Variants in SLCO2B1 observed in about 807,000 individuals in gnomAD.
The protein encoded by SLCO2B1 is OATP-RP2.
A neutral mutation model predicts 67.3 loss-of-function variants in SLCO2B1; 41 were observed. The ratio of observed to expected loss-of-function variants is 0.61; its 90% CI spans 0.47 to 0.79. SLCO2B1 has a LOEUF of 0.79. SLCO2B1 is among the 30% of genes least tolerant of loss of function. The pLI is 0.00. For missense variants in SLCO2B1, 837 were observed against 920.1 expected (o/e 0.91, Z 1.17); for synonymous variants, 379 against 381.4 (o/e 0.99, Z 0.07).
intron 10 of SLCO2B1, among the ~76,000 whole-genome samples, chr11:75,199,179 A>G (rs1362585506): frequency 2.0e-5 from 3 of 152,082 alleles, no homozygotes; most frequent in African/African-American, 7.2e-5. Context: ...ATATGCACTT[A>G]GGGGTCACAC....
At chr11:75,158,717 C>T (rs1278057968) in intron 1 of SLCO2B1, among the ~76,000 whole-genome samples, 2 of 152,274 alleles carry the variant, frequency 1.3e-5, no homozygotes, top group East Asian at 3.9e-4. Flanking sequence ...GAAACTGAGG[C>T]TCAGAAAGCT....
At chr11:75,155,186 A>G (rs1949733395) in intron 1 of SLCO2B1, among the ~76,000 whole-genome samples, 1 of 152,066 alleles carries the variant, frequency 6.6e-6, no homozygotes, top group Non-Finnish European at 1.5e-5. Context: ...CTGGACCTCA[A>G]GCATGCTATT....
chr11:75,200,360 A>G lies in SLCO2B1; in HGVS notation c.1736A>G (p.His579Arg), dbSNP rs1226067491. Residue 579 changes from histidine to arginine, a missense_variant, in exon 11 of 14, where the codon CAC (histidine) becomes CGC (arginine). Coordinates refer to ENST00000289575, the MANE Select transcript of SLCO2B1 (RefSeq NM_007256.5). Reference protein sequence around the residue: ...SLGSALACLTHTPSFMLILRG... With the variant: ...SLGSALACLTRTPSFMLILRG... ...GGCTCGGCCCTGGCCTGTCTCACCC[A>G]CACACCCTCCTTCATGCTCATCCTA... is the stretch of plus-strand genomic sequence containing the variant. 1 of 1,609,882 alleles carries G rather than the reference A, an allele frequency of 6.2e-7. No homozygotes were observed. The highest frequency in any genetic ancestry group is 1.1e-5 in the South Asian group (1 of 90,678).
intron 7 of SLCO2B1, among the ~76,000 whole-genome samples, chr11:75,182,829 A>G (rs1330923551): frequency 6.6e-6 from 1 of 152,156 alleles, no homozygotes; most frequent in Non-Finnish European, 1.5e-5. Context: ...TATGAGAACA[A>G]GGAACCCAAG....
chr11:75,205,080 T>A lies in SLCO2B1; in HGVS notation c.*500T>A, dbSNP rs1407235801. ...GCGGTCAGGGTACACTCAGCTCTCC[T>A]CCCCAACTCCAGCAGCCTTTAAGAA... On this transcript the variant is annotated 3_prime_UTR_variant, in exon 14 of 14. Coordinates refer to ENST00000289575, the MANE Select transcript of SLCO2B1 (RefSeq NM_007256.5). 6.6e-6 allele frequency: 1 copy of A among 152,526 alleles called. No homozygotes were observed. The highest frequency in any genetic ancestry group is 1.5e-5 in the Non-Finnish European group (1 of 68,318). The allele number at this position is 152,526 out of a possible 1,614,324, so 9.4% of individuals were successfully genotyped here. A position where few individuals can be genotyped will look rare whatever the true frequency, so the allele number is the denominator to read the frequency against.
intron 8 of SLCO2B1, among the ~76,000 whole-genome samples, chr11:75,190,938 C>T (rs189451369): frequency 6.6e-6 from 1 of 152,316 alleles, no homozygotes; most frequent in Admixed American, 6.5e-5. Context: ...TGGAATTCCC[C>T]TGCAGGTAGA....
chr11:75,171,748 G>C (rs1003511506), intron 6 of SLCO2B1, among the ~76,000 whole-genome samples: 7 of 152,122 alleles, frequency 4.6e-5, no homozygotes, highest in South Asian at 2.1e-4. Context: ...TAAAGGTACG[G>C]GTTCCTTGGT....
At chr11:75,197,764 C>T (rs1387076804) in intron 10 of SLCO2B1, among the ~76,000 whole-genome samples, 1 of 152,196 alleles carries the variant, frequency 6.6e-6, no homozygotes, top group Non-Finnish European at 1.5e-5. Flanking sequence ...GTGCCAGGCC[C>T]TGTTCTGGGA....
chr11:75,162,825 G>T (rs780738209), intron 2 of SLCO2B1, 40 bp downstream of exon 2: 31 of 1,596,254 alleles, frequency 1.9e-5, no homozygotes, highest in Non-Finnish European at 2.3e-5. Context: ...GAGTCTAGAA[G>T]AGCAGGCTCT....
At chr11:75,176,911 C>T (rs1448641335) in intron 7 of SLCO2B1, among the ~76,000 whole-genome samples, 5 of 152,160 alleles carry the variant, frequency 3.3e-5, no homozygotes, top group Non-Finnish European at 7.4e-5. Flanking sequence ...GGGTTAAAGA[C>T]CTGTCCAGAG....
At chr11:75,191,482 G>A (rs1385531830) in intron 8 of SLCO2B1, among the ~76,000 whole-genome samples, 2 of 152,200 alleles carry the variant, frequency 1.3e-5, no homozygotes, top group Admixed American at 6.5e-5. Flanking sequence ...GCACAGAAAA[G>A]AGGGGGAATT....
chr11:75,175,361 G>C (rs1950011032), intron 7 of SLCO2B1, among the ~76,000 whole-genome samples: 1 of 152,082 alleles, frequency 6.6e-6, no homozygotes, highest in South Asian at 2.1e-4. Context: ...CAATGAGGCT[G>C]AATTGGCTGC....
At position 75,200,538 on chromosome 11, in the gene SLCO2B1, C is replaced by A. The variant is rs533285184; in HGVS notation, c.1763+151C>A. 6 of 680,410 alleles carry A rather than the reference C, an allele frequency of 8.8e-6. No individual in the cohort carries two copies. In the Admixed American group the frequency reaches 1.1e-4, roughly 12 times the overall value. 42.1% of individuals were successfully genotyped at this position (680,410 alleles called of 1,614,324 possible). ...GGCCTTAACTGTGTTCATCCCATGG[C>A]AACCTACTGAGGCAAGGTTTTCTCC... On this transcript the variant is annotated intron_variant, in intron 11 of 13. Coordinates refer to ENST00000289575, the MANE Select transcript of SLCO2B1 (RefSeq NM_007256.5).
Position 75,163,987 on chromosome 11 carries a change from C to T in SLCO2B1, c.172C>T (p.Leu58=), listed in dbSNP as rs145661526. The T allele has an allele frequency of 5.5e-5, 89 of 1,603,788 alleles. No individual in the cohort carries two copies. In the African/African-American group the frequency reaches 9.4e-4, roughly 17 times the overall value. The change falls in exon 3 of 14, where the codon CTG becomes TTG. Residue 58 remains leucine (L), a synonymous_variant. Transcript: ENST00000289575. ...GCTGTTCGTTCTGTGCCACAGCCTG[C>T]TGCAGCTGGCGCAGCTCATGATCTC... ...IKLFVLCHSL[L]QLAQLMISGY... is the part of the protein sequence containing the mutation.
rs1049321190 is a variant in SLCO2B1 at position 75,205,429 on chromosome 11, C to T, written c.*849C>T. On this transcript the variant is annotated 3_prime_UTR_variant, in exon 14 of 14. Coordinates refer to ENST00000289575, the MANE Select transcript of SLCO2B1 (RefSeq NM_007256.5). ...TGGGTATTTTCTAATTTCAGACAAA[C>T]ACACACTCAGCGCGCACTCACTGAT... 6.6e-6 allele frequency: 1 copy of T among 152,288 alleles called. No individual in the cohort carries two copies. The allele number at this position is 152,288 out of a possible 1,614,324, so 9.4% of individuals were successfully genotyped here.
At chr11:75,165,407 G>T (rs1474258531) in intron 3 of SLCO2B1, among the ~76,000 whole-genome samples, 1 of 149,594 alleles carries the variant, frequency 6.7e-6, no homozygotes, top group Non-Finnish European at 1.5e-5. Context: ...ACTCCAGCCA[G>T]GGCGATGAGA....
chr11:75,175,146 G>C (rs370590727), intron 7 of SLCO2B1, among the ~76,000 whole-genome samples: 14 of 152,168 alleles, frequency 9.2e-5, no homozygotes, highest in Non-Finnish European at 1.6e-4. Flanking sequence ...GGGAGGGAAG[G>C]GGGTGAGAGG....
intron 10 of SLCO2B1, among the ~76,000 whole-genome samples, chr11:75,198,801 T>C (rs900642985): frequency 2.0e-5 from 3 of 152,340 alleles, no homozygotes; most frequent in Admixed American, 1.3e-4. Context: ...TAACAGCTTA[T>C]GAGTGCATGA....
chr11:75,164,125 G>C, intron 3 of SLCO2B1, 25 bp downstream of exon 3: 1 of 1,601,552 alleles, frequency 6.2e-7, no homozygotes, highest in Non-Finnish European at 8.5e-7. Context: ...CAGCCACAGG[G>C]GTGGACACTG....
Sources: gnomAD v4.1 joint callset for allele counts (sites outside exome capture counted in the v4.1 genomes callset) on GRCh38, gnomAD v4.1.1 for gene constraint, MANE v1.5 for transcripts, NCBI Gene and HGNC (gene_info 2026-07-23, HGNC 2026-07-21) for gene names.